SEC11A: variants seen among roughly 807,000 people sequenced by gnomAD.
SEC11A encodes the protein SEC11 homolog A, signal peptidase complex subunit, also known as signal peptidase complex catalytic subunit SEC11A.
SEC11A carries 14 observed loss-of-function variants against 25.6 expected under a neutral mutation model. The observed-to-expected ratio is 0.55, with a 90% CI of 0.36 to 0.85. SEC11A has a LOEUF of 0.85. Among genes scored for constraint, SEC11A ranks in the 40% least tolerant of loss-of-function variants. The pLI is 0.01. For missense variants in SEC11A, 153 were observed against 222.9 expected, an observed-to-expected ratio of 0.69 and a Z score of 2.00; for synonymous variants, 83 against 76.4, an observed-to-expected ratio of 1.09 and a Z score of -0.45.
At chr15:84,674,307 T>G (rs1253886133) in intron 4 of SEC11A, among the ~76,000 whole-genome samples, 1 of 151,992 alleles carries the variant, frequency 6.6e-6, no homozygotes, top group Non-Finnish European at 1.5e-5. Context: ...GCAATAGCTT[T>G]CAGTAAATCA....
chr15:84,698,940 A>G (rs1467516720), intron 1 of SEC11A, among the ~76,000 whole-genome samples: 2 of 152,258 alleles, frequency 1.3e-5, no homozygotes, highest in African/African-American at 4.8e-5. Flanking sequence ...CATAAATCGT[A>G]GTATTTCCAC....
At chr15:84,687,575 A>C (rs1897464952) in intron 3 of SEC11A, 50 bp downstream of exon 3, 1 of 1,457,536 alleles carries the variant, frequency 6.9e-7, no homozygotes, top group Admixed American at 2.7e-5. Context: ...AATACCACAA[A>C]CACTTAAACA....
intron 3 of SEC11A, among the ~76,000 whole-genome samples, chr15:84,681,288 C>T (rs1304301540): frequency 6.6e-6 from 1 of 152,210 alleles, no homozygotes; most frequent in Non-Finnish European, 1.5e-5. Context: ...GTTTCTCCAA[C>T]TAATGACTTG....
At chr15:84,684,094 T>C (rs1390150905) in intron 3 of SEC11A, among the ~76,000 whole-genome samples, 3 of 152,200 alleles carry the variant, frequency 2.0e-5, no homozygotes, top group Non-Finnish European at 4.4e-5. Context: ...TCCATCTGCA[T>C]GGGAAAAGCA....
chr15:84,672,299 G>C (rs1897005301), intron 4 of SEC11A: 1 of 155,568 alleles, frequency 6.4e-6, no homozygotes. Flanking sequence ...TCTTTCCACG[G>C]TCTCCCTCTG....
chr15:84,683,745 G>C (rs1350652764), intron 3 of SEC11A, among the ~76,000 whole-genome samples: 1 of 152,026 alleles, frequency 6.6e-6, no homozygotes, highest in Non-Finnish European at 1.5e-5. Context: ...GGCTGGTCTG[G>C]AACTCCTGAC....
intron 1 of SEC11A, among the ~76,000 whole-genome samples, chr15:84,706,633 A>C (rs1898101465): frequency 6.6e-6 from 1 of 152,222 alleles, no homozygotes; most frequent in South Asian, 2.1e-4. Flanking sequence ...TACAGAAACA[A>C]AGGATAGTTA....
intron 2 of SEC11A, among the ~76,000 whole-genome samples, chr15:84,689,259 T>G (rs1897527095): frequency 3.3e-5 from 5 of 151,884 alleles, no homozygotes; most frequent in Admixed American, 2.6e-4. Context: ...AATGTTCTTA[T>G]CACAAAAAAA....
chr15:84,714,247 A>C (rs55731561), intron 1 of SEC11A, among the ~76,000 whole-genome samples: 8,833 of 151,986 alleles, frequency 0.058, 318 homozygotes, highest in African/African-American at 0.074. Flanking sequence ...ATCTCTTGAC[A>C]TTGTGATCCG....
intron 1 of SEC11A, among the ~76,000 whole-genome samples, chr15:84,702,186 C>T (rs945366212): frequency 2.0e-5 from 3 of 151,694 alleles, no homozygotes; most frequent in Non-Finnish European, 4.4e-5. Context: ...TTTGGCTGGG[C>T]GCAGTGGCTC....
intron 1 of SEC11A, among the ~76,000 whole-genome samples, chr15:84,696,852 A>C (rs923344046): frequency 6.6e-6 from 1 of 152,148 alleles, no homozygotes; most frequent in Non-Finnish European, 1.5e-5. Flanking sequence ...TGCAGAAGTT[A>C]CCTAATTAGA....
chr15:84,703,942 C>A (rs886091986), intron 1 of SEC11A, among the ~76,000 whole-genome samples: 2 of 152,146 alleles, frequency 1.3e-5, no homozygotes, highest in African/African-American at 2.4e-5. Flanking sequence ...TCCCCAGCCA[C>A]CTGTCTTACC....
At chr15:84,709,528 C>T (rs1003177189) in intron 1 of SEC11A, among the ~76,000 whole-genome samples, 27 of 151,894 alleles carry the variant, frequency 1.8e-4, no homozygotes, top group South Asian at 4.2e-4. Flanking sequence ...CTACGACCAC[C>T]GTCTCCTGGG....
rs949323603 is a variant in SEC11A, at chr15:84,716,080, G to A, written c.-5C>T. On this transcript the variant is annotated 5_prime_UTR_variant, in exon 1 of 6. Transcript: ENST00000268220. The stretch of plus-strand genomic sequence containing the variant: ...CAAAAAGTCTAGAGACAGCATGGCG[G>A]GGACGGCGAGCAGGACACCGGCAGG... 14 of 1,613,430 alleles carry A rather than the reference G, an allele frequency of 8.7e-6. No individual in the cohort carries two copies. The highest frequency in any genetic ancestry group is 1.2e-5 in the Non-Finnish European group (14 of 1,179,680).
intron 1 of SEC11A, among the ~76,000 whole-genome samples, chr15:84,704,713 C>T (rs967276154): frequency 5.3e-5 from 8 of 152,128 alleles, no homozygotes; most frequent in Non-Finnish European, 1.0e-4. Context: ...TAATTCACGA[C>T]TATAAACCAG....
intron 1 of SEC11A, among the ~76,000 whole-genome samples, chr15:84,698,205 C>T (rs1237789905): frequency 6.6e-6 from 1 of 152,178 alleles, no homozygotes; most frequent in East Asian, 1.9e-4. Context: ...CTAGAAGCTA[C>T]ATCCTGTGTA....
intron 3 of SEC11A, among the ~76,000 whole-genome samples, chr15:84,683,413 A>G (rs1035671837): frequency 6.6e-6 from 1 of 151,256 alleles, no homozygotes; most frequent in South Asian, 2.1e-4. Flanking sequence ...ACAAACAAAC[A>G]AACAAACAAA....
chr15:84,700,131 A>G (rs915549807), intron 1 of SEC11A, among the ~76,000 whole-genome samples: 1 of 152,034 alleles, frequency 6.6e-6, no homozygotes. Flanking sequence ...AAGCTCAAGA[A>G]TATTTATGCA....
intron 1 of SEC11A, among the ~76,000 whole-genome samples, chr15:84,701,357 T>C (rs113191259): frequency 0.062 from 9,434 of 151,754 alleles, 374 homozygotes; most frequent in African/African-American, 0.087. Flanking sequence ...TTTGCTCTTG[T>C]TGCCTAGGGT....
Sources: allele counts gnomAD v4.1 joint callset (sites outside exome capture counted in the v4.1 genomes callset), GRCh38; gene constraint gnomAD v4.1.1; transcripts MANE v1.5; gene names NCBI Gene and HGNC (gene_info 2026-07-23, HGNC 2026-07-21).